TANC1: variants seen among roughly 807,000 people sequenced by gnomAD.
TANC1 encodes the protein tetratricopeptide repeat, ankyrin repeat and coiled-coil containing 1.
In TANC1, 77 loss-of-function variants were observed where a neutral mutation model predicts 149.7. The ratio of observed to expected loss-of-function variants is 0.51; its 90% CI spans 0.43 to 0.62. The LOEUF (loss-of-function observed/expected upper bound fraction) is 0.62, where lower values mean the gene tolerates loss of function less well. TANC1 is among the 20% of genes least tolerant of loss of function. The pLI, the probability that TANC1 is intolerant of heterozygous loss-of-function variation, is 0.00. For missense variants in TANC1, 1,985 were observed against 2,321.8 expected (o/e 0.85, Z 2.98); for synonymous variants, 854 against 925.0 (o/e 0.92, Z 1.39).
At chr2:159,084,960 G>A (rs2044685148) in intron 3 of TANC1, among the ~76,000 whole-genome samples, 1 of 152,186 alleles carries the variant, frequency 6.6e-6, no homozygotes, top group African/African-American at 2.4e-5. Flanking sequence ...CCTCCTCCAA[G>A]CCTTGATTTC....
At chr2:159,049,075 C>G (rs1254216066) in intron 2 of TANC1, among the ~76,000 whole-genome samples, 1 of 152,196 alleles carries the variant, frequency 6.6e-6, no homozygotes, top group Non-Finnish European at 1.5e-5. Flanking sequence ...GGAAATGCTC[C>G]TTTTTCTTCA....
intron 1 of TANC1, among the ~76,000 whole-genome samples, chr2:158,978,209 C>T (rs1030923291): frequency 2.6e-5 from 4 of 152,142 alleles, no homozygotes; most frequent in Non-Finnish European, 5.9e-5. Flanking sequence ...GACAGAGAAT[C>T]CACAGTTGTT....
rs900929956 is a variant in TANC1 at position 158,979,778 on chromosome 2, A to G, written c.-126+10996A>G. Among the ~76,000 whole-genome samples the G allele has an allele frequency of 2.0e-5, 3 of 152,356 alleles. No homozygotes were observed. The East Asian group carries it at 5.8e-4, about 29-fold the overall frequency. On this transcript the variant is annotated intron_variant, in intron 1 of 26. Coordinates refer to ENST00000263635, the MANE Select transcript of TANC1 (RefSeq NM_033394.3). ...CAATTTGAAATTTGTTTCATTGTAG[A>G]TTCCCAAGGCAATGGGTTTGAATAA...
chr2:159,107,646 C>T (rs1165189625), intron 4 of TANC1, among the ~76,000 whole-genome samples: 1 of 152,170 alleles, frequency 6.6e-6, no homozygotes, highest in East Asian at 1.9e-4. Context: ...ATTGTTGTGC[C>T]TTCACCCAGC....
intron 19 of TANC1, among the ~76,000 whole-genome samples, chr2:159,203,907 C>T (rs1274882616): frequency 1.3e-5 from 2 of 152,014 alleles, no homozygotes; most frequent in African/African-American, 4.8e-5. Flanking sequence ...CAGAAATTTC[C>T]CTGTCTCTTG....
At chr2:159,204,910 T>G (rs1268168197) in intron 19 of TANC1, among the ~76,000 whole-genome samples, 1 of 152,246 alleles carries the variant, frequency 6.6e-6, no homozygotes, top group Admixed American at 6.5e-5. Context: ...CCTCCCTTTG[T>G]GTAGCGCATT....
intron 4 of TANC1, among the ~76,000 whole-genome samples, chr2:159,125,176 G>T (rs149259435): frequency 0.29 from 44,049 of 151,934 alleles, 6,596 homozygotes; most frequent in South Asian, 0.41. Context: ...TGCCCATACA[G>T]ATTTATTAGT....
chr2:159,177,189 C>T (rs2055962999), intron 13 of TANC1, among the ~76,000 whole-genome samples: 1 of 152,138 alleles, frequency 6.6e-6, no homozygotes, highest in Non-Finnish European at 1.5e-5. Flanking sequence ...GGATTACAGG[C>T]ATGAGCCACT....
intron 2 of TANC1, among the ~76,000 whole-genome samples, chr2:159,019,992 CTAATT>C (rs2038682880): frequency 2.0e-5 from 3 of 152,092 alleles, no homozygotes; most frequent in African/African-American, 7.2e-5. Flanking sequence ...CACAGAAAAT[CTAATT>C]TAACACAAAA....
At chr2:159,072,072 C>G (rs2043201722) in intron 3 of TANC1, among the ~76,000 whole-genome samples, 1 of 150,926 alleles carries the variant, frequency 6.6e-6, no homozygotes, top group African/African-American at 2.4e-5. Context: ...ACCTCAGCCT[C>G]CTAGGTTCAA....
chr2:159,175,317 G>A (rs1156576232), intron 12 of TANC1, 133 bp downstream of exon 12: 7 of 684,560 alleles, frequency 1.0e-5, no homozygotes, highest in East Asian at 2.7e-5. Flanking sequence ...CGAAGCCTCC[G>A]TGCCCATCCA....
chr2:159,161,704 A>G (rs1165963299), intron 7 of TANC1, among the ~76,000 whole-genome samples: 1 of 152,228 alleles, frequency 6.6e-6, no homozygotes, highest in Admixed American at 6.5e-5. Context: ...ATTTAAAAAC[A>G]CAAGGAAGGC....
At chr2:159,054,310 T>C (rs367755704) in intron 2 of TANC1, among the ~76,000 whole-genome samples, 1 of 152,192 alleles carries the variant, frequency 6.6e-6, no homozygotes, top group East Asian at 1.9e-4. Flanking sequence ...TTGTGAGGAT[T>C]TAATCAGTAT....
intron 2 of TANC1, among the ~76,000 whole-genome samples, chr2:159,053,992 T>G (rs1476838273): frequency 6.6e-6 from 1 of 152,238 alleles, no homozygotes; most frequent in African/African-American, 2.4e-5. Flanking sequence ...GTTTTTGTTT[T>G]TTTCAGGATA....
chr2:159,106,543 A>G (rs2047201201), intron 4 of TANC1, among the ~76,000 whole-genome samples: 1 of 152,238 alleles, frequency 6.6e-6, no homozygotes, highest in Non-Finnish European at 1.5e-5. Context: ...AAGTACTCCT[A>G]CATGCCACTC....
At chr2:159,026,233 T>A (rs2039330745) in intron 2 of TANC1, among the ~76,000 whole-genome samples, 1 of 152,210 alleles carries the variant, frequency 6.6e-6, no homozygotes, top group Non-Finnish European at 1.5e-5. Flanking sequence ...GTGTCTGGCC[T>A]TGCTTCAGTT....
intron 2 of TANC1, among the ~76,000 whole-genome samples, chr2:159,064,009 C>G (rs752721337): frequency 6.6e-6 from 1 of 152,150 alleles, no homozygotes; most frequent in Non-Finnish European, 1.5e-5. Context: ...AGGGACCTTG[C>G]ATGAGCTTCG....
intron 19 of TANC1, among the ~76,000 whole-genome samples, chr2:159,212,906 C>T (rs141772220): frequency 0.011 from 1,278 of 121,352 alleles, 13 homozygotes; most frequent in East Asian, 0.071. Context: ...GGTGACAGGG[C>T]GAGACACCGT....
intron 14 of TANC1, among the ~76,000 whole-genome samples, chr2:159,185,024 A>G (rs946324145): frequency 6.6e-6 from 1 of 152,228 alleles, no homozygotes; most frequent in African/African-American, 2.4e-5. Flanking sequence ...TTTAAAACAT[A>G]TATAATGTTT....
Sources: allele counts gnomAD v4.1 joint callset (sites outside exome capture counted in the v4.1 genomes callset), GRCh38; gene constraint gnomAD v4.1.1; transcripts MANE v1.5; gene names NCBI Gene and HGNC (gene_info 2026-07-23, HGNC 2026-07-21).